Variants in MED13 observed in about 807,000 individuals in gnomAD.
MED13 encodes mediator complex subunit 13, also known as mediator of RNA polymerase II transcription subunit 13.
MED13 carries 23 observed loss-of-function variants against 225.2 expected under a neutral mutation model. That is an observed-to-expected ratio of 0.10 (90% CI 0.07 to 0.14). The LOEUF is 0.14. Among genes scored for constraint, MED13 ranks in the 10% least tolerant of loss-of-function variants. The pLI is 1.00. For missense variants in MED13, 2,197 were observed against 2,594.5 expected (o/e 0.85, Z 3.33); for synonymous variants, 942 against 889.2 (o/e 1.06, Z -1.06).
At chr17:61,994,665 AT>A (rs1298610035) in intron 10 of MED13, among the ~76,000 whole-genome samples, 4 of 152,232 alleles carry the variant, frequency 2.6e-5, no homozygotes, top group African/African-American at 9.6e-5. Flanking sequence ...GAGGTCAGCT[AT>A]AATTGGTACC....
rs769797739 is a variant in MED13 at position 61,965,174 on chromosome 17, G to A, written c.4676C>T (p.Pro1559Leu). Reference sequence around the variant, plus strand: ...ATTACTGTTCATACTGCCAAAGGGTGGAAACGAAGGTAGTTTATTTGATGA... The same window carrying A: ...ATTACTGTTCATACTGCCAAAGGGTAGAAACGAAGGTAGTTTATTTGATGA... ...GVSSNKLPSF[P>L]PFGSMNSNAA... The change falls in exon 20 of 30, where the codon CCA (proline) becomes CTA (leucine). Residue 1559 changes from proline (P) to leucine (L), a missense_variant. Transcript: ENST00000397786. The A allele has an allele frequency of 3.1e-6, 5 of 1,614,124 alleles. No homozygotes were observed. In the East Asian group the frequency reaches 1.1e-4, roughly 36 times the overall value.
In MED13 at chr17:62,063,147, C is replaced by A. The variant is rs760621867; in HGVS notation, c.221G>T (p.Arg74Ile). 2.5e-6 allele frequency: 4 copies of A among 1,614,182 alleles called. No individual in the cohort carries two copies. The highest frequency in any genetic ancestry group is 3.4e-6 in the Non-Finnish European group (4 of 1,180,018). ...DVLGVWRRDQ[R>I]PGRRELWIFW... ...TATCCACAATTCTCTTCTTCCAGGT[C>A]TTTGATCTCGCCGCCAAACACCAAG... The change falls in exon 2 of 30, where the codon AGA becomes ATA. Residue 74 changes from arginine to isoleucine, a missense_variant. Arg to Ile is a moderately conservative substitution (Grantham distance 97, BLOSUM62 -3). This residue lies in a region of MED13 where 884 missense variants were observed against 918.5 expected (regional missense o/e 0.96). Transcript: ENST00000397786.
At chr17:62,017,666 T>C (rs2080595979) in intron 8 of MED13, among the ~76,000 whole-genome samples, 1 of 152,228 alleles carries the variant, frequency 6.6e-6, no homozygotes, top group Admixed American at 6.5e-5. Flanking sequence ...TGGTACCAAC[T>C]GTACTAGCAG....
chr17:61,959,784 A>T (rs1261114007), intron 23 of MED13, among the ~76,000 whole-genome samples: 1 of 143,936 alleles, frequency 6.9e-6, no homozygotes, highest in Non-Finnish European at 1.5e-5. Context: ...GTTAAAGTGC[A>T]GTGGTGCAAT....
chr17:62,003,621 A>AAAAC (rs10679175), intron 9 of MED13: 229 of 144,544 alleles, frequency 1.6e-3, no homozygotes, highest in African/African-American at 5.3e-3. Flanking sequence ...AAAAAAAAAA[A>AAAAC]GCAAAAAGTG....
At chr17:62,022,412 T>C (rs931718925) in intron 8 of MED13, among the ~76,000 whole-genome samples, 1 of 151,950 alleles carries the variant, frequency 6.6e-6, no homozygotes, top group Non-Finnish European at 1.5e-5. Flanking sequence ...TGTATGTCCA[T>C]CAAATCCAGA....
At chr17:62,033,735 A>G (rs1046575457) in intron 5 of MED13, 52 bp downstream of exon 5, 2 of 1,535,552 alleles carry the variant, frequency 1.3e-6, no homozygotes, top group Non-Finnish European at 1.8e-6. Flanking sequence ...AAATATAACT[A>G]ACACATACAA....
intron 28 of MED13, among the ~76,000 whole-genome samples, chr17:61,950,533 G>A (rs370803174): frequency 4.3e-4 from 66 of 152,056 alleles, no homozygotes; most frequent in Admixed American, 9.8e-4. Flanking sequence ...ACAGGCGCCC[G>A]CCACCACACC....
intron 9 of MED13, among the ~76,000 whole-genome samples, chr17:61,997,600 C>G (rs2080357170): frequency 6.6e-6 from 1 of 152,082 alleles, no homozygotes; most frequent in Non-Finnish European, 1.5e-5. Context: ...AGGGTATTAT[C>G]CCTGACTTTG....
In MED13 at chr17:62,050,915, G is replaced by GA. The variant is rs2080951317; in HGVS notation, c.470+1621dup. On this transcript the variant is annotated intron_variant, in intron 3 of 29. Coordinates refer to ENST00000397786, the MANE Select transcript of MED13 (RefSeq NM_005121.3). ...AGCTACTTGGGAGACTGAGGCAGGAGAATCACTTGAACCTGGGAAGCAGAG... is the reference window on the plus strand; with the variant it reads ...AGCTACTTGGGAGACTGAGGCAGGAGAAATCACTTGAACCTGGGAAGCAGAG... 2.6e-5 allele frequency among the ~76,000 whole-genome samples: 4 copies of GA among 152,196 alleles called. No homozygotes were observed. The South Asian group carries it at 8.3e-4, about 31-fold the overall frequency.
intron 9 of MED13, among the ~76,000 whole-genome samples, chr17:62,001,007 C>T (rs528294529): frequency 2.1e-4 from 32 of 152,266 alleles, no homozygotes; most frequent in African/African-American, 7.7e-4. Flanking sequence ...CGTGATCCAC[C>T]CACCTCGGCC....
In MED13 at chr17:61,956,474, G is replaced by A. The variant is rs564327908; in HGVS notation, c.5488C>T (p.Arg1830Trp). ...INIDVPNRARRKKSSARKFGL... is the reference protein window; with the variant it reads ...INIDVPNRARWKKSSARKFGL... ...AATTTTCTAGCAGAACTTTTTTTCCGACGAGCCCTATTGTGTGAATAAAGA... is the reference window on the plus strand; with the variant it reads ...AATTTTCTAGCAGAACTTTTTTTCCAACGAGCCCTATTGTGTGAATAAAGA... Residue 1830 changes from arginine to tryptophan, a missense_variant, in exon 24 of 30, where the codon CGG becomes TGG. Coordinates refer to ENST00000397786, the MANE Select transcript of MED13 (RefSeq NM_005121.3). The A allele has an allele frequency of 5.6e-6, 9 of 1,610,630 alleles. No individual in the cohort carries two copies. The highest frequency in any genetic ancestry group is 5.3e-5 in the African/African-American group (4 of 74,818).
chr17:61,968,276 A>AT lies in MED13; in HGVS notation c.3968-19dup, dbSNP rs1381142556. The AT allele has an allele frequency of 1.3e-6, 2 of 1,546,802 alleles. No homozygotes were observed. The highest frequency in any genetic ancestry group is 1.8e-6 in the Non-Finnish European group (2 of 1,137,598). On this transcript the variant is annotated intron_variant, in intron 17 of 29. Coordinates refer to ENST00000397786, the MANE Select transcript of MED13 (RefSeq NM_005121.3). The stretch of plus-strand genomic sequence containing the variant: ...ATCAGTTCCTAAATAAGAAAGATGT[A>AT]TTTTAAGAAAACACTTAAAAACAAG...
At chr17:61,993,852 A>T (rs1237009123) in intron 10 of MED13, among the ~76,000 whole-genome samples, 2 of 151,918 alleles carry the variant, frequency 1.3e-5, no homozygotes, top group African/African-American at 4.8e-5. Flanking sequence ...AATCACTTGA[A>T]TCAGGGAGGC....
chr17:61,965,540 A>G, intron 19 of MED13, 72 bp from the exon 20 acceptor site: 1 of 1,375,468 alleles, frequency 7.3e-7, no homozygotes, highest in East Asian at 2.4e-5. Flanking sequence ...TCTACTGTGT[A>G]AACAGAATCA....
chr17:61,961,505 G>A (rs1028298208), intron 22 of MED13, 83 bp downstream of exon 22: 134 of 1,217,948 alleles, frequency 1.1e-4, no homozygotes, highest in Non-Finnish European at 1.4e-4. Flanking sequence ...GGGTGACAAA[G>A]CAAGGCTCCA....
At chr17:61,951,618 G>A (rs1251070867) in intron 27 of MED13, among the ~76,000 whole-genome samples, 1 of 152,054 alleles carries the variant, frequency 6.6e-6, no homozygotes, top group Non-Finnish European at 1.5e-5. Flanking sequence ...ATAAATTAGG[G>A]TATAGCAAAA....
At chr17:61,952,801 T>A (rs767174385) in intron 27 of MED13, among the ~76,000 whole-genome samples, 164 bp downstream of exon 27, 12 of 152,198 alleles carry the variant, frequency 7.9e-5, no homozygotes, top group Non-Finnish European at 1.8e-4. Flanking sequence ...CTTACCCGGC[T>A]ATTTTTTACA....
chr17:62,008,083 C>T (rs1327763488), intron 9 of MED13, among the ~76,000 whole-genome samples: 2 of 147,836 alleles, frequency 1.4e-5, no homozygotes, highest in South Asian at 4.3e-4. Context: ...TTTGGGAGGC[C>T]GGGGCGGGCG....
Sources: allele counts gnomAD v4.1 joint callset (sites outside exome capture counted in the v4.1 genomes callset), GRCh38; gene constraint gnomAD v4.1.1; regional missense constraint gnomAD v4.1.1; transcripts MANE v1.5; gene names NCBI Gene and HGNC (gene_info 2026-07-23, HGNC 2026-07-21).